TNS3: variants seen among roughly 807,000 people sequenced by gnomAD.
TNS3 encodes the protein tensin-3.
A neutral mutation model predicts 140.9 loss-of-function variants in TNS3; 45 were observed. That is an observed-to-expected ratio of 0.32 (90% CI 0.25 to 0.41). The LOEUF is 0.41. Among genes scored for constraint, TNS3 ranks in the 10% least tolerant of loss-of-function variants. TNS3 has a pLI of 1.00. For missense variants in TNS3, 1,716 were observed against 1,906.7 expected (o/e 0.90, Z 1.86); for synonymous variants, 815 against 788.4 (o/e 1.03, Z -0.56).
chr7:47,323,324 G>A lies in TNS3; in HGVS notation c.2651-18321C>T, dbSNP rs147138884. 1.6e-3 allele frequency among the ~76,000 whole-genome samples: 245 copies of A among 152,248 alleles called. 3 individuals are homozygous for A. The highest frequency in any genetic ancestry group is 5.4e-3 in the African/African-American group (225 of 41,524). On this transcript the variant is annotated intron_variant, in intron 20 of 30. Coordinates refer to ENST00000311160, the MANE Select transcript of TNS3 (RefSeq NM_022748.12). Reference sequence around the variant, plus strand: ...CCAGAAAGAAGTGGCACATGCTTCCGGTACTGAAAGAAAAGAACTGTCAAC... The same window carrying A: ...CCAGAAAGAAGTGGCACATGCTTCCAGTACTGAAAGAAAAGAACTGTCAAC...
intron 17 of TNS3, among the ~76,000 whole-genome samples, chr7:47,359,702 C>T (rs1790206425): frequency 6.6e-6 from 1 of 152,104 alleles, no homozygotes; most frequent in Non-Finnish European, 1.5e-5. Flanking sequence ...TTTCCTTTGA[C>T]ATGAGTGTTA....
In TNS3 at chr7:47,548,204, T is replaced by G. The variant is rs1372138398; in HGVS notation, c.-264-19057A>C. Among the ~76,000 whole-genome samples, 5 of 152,104 alleles carry G rather than the reference T, an allele frequency of 3.3e-5. No individual in the cohort carries two copies. The East Asian group carries it at 9.6e-4, about 29-fold the overall frequency. On this transcript the variant is annotated intron_variant, in intron 1 of 30. Transcript: ENST00000311160. ...GGTGAGTCACCACCCACCCCGTCCC[T>G]CCAGCTCCTAACCTTCACGTTTTTC...
At chr7:47,363,178 G>A (rs1790489883) in intron 17 of TNS3, among the ~76,000 whole-genome samples, 1 of 124,278 alleles carries the variant, frequency 8.0e-6, no homozygotes, top group Non-Finnish European at 1.7e-5. Flanking sequence ...CATCATAAGG[G>A]TCATCACCAT....
chr7:47,474,384 A>G lies in TNS3; in HGVS notation c.-76+6719T>C, dbSNP rs535305755. 1.3e-3 allele frequency among the ~76,000 whole-genome samples: 189 copies of G among 149,860 alleles called. 1 individual carries two copies. Among genetic ancestry groups the G allele is most frequent in the Middle Eastern group, 0.011 (3 of 284 alleles). ...CAAAACACTTCACACACAACACAACACATACACAAAATAAGCAACACATAC... is the reference window on the plus strand; with the variant it reads ...CAAAACACTTCACACACAACACAACGCATACACAAAATAAGCAACACATAC... On this transcript the variant is annotated intron_variant, in intron 4 of 30. Transcript: ENST00000311160.
intron 20 of TNS3, among the ~76,000 whole-genome samples, chr7:47,305,733 C>T (rs1176213303): frequency 6.6e-6 from 1 of 152,238 alleles, no homozygotes; most frequent in Non-Finnish European, 1.5e-5. Context: ...GTTTCTTGCC[C>T]AGCAGCTGCA....
At chr7:47,400,208 G>A (rs1209939855) in intron 15 of TNS3, among the ~76,000 whole-genome samples, 185 bp downstream of exon 15, 1 of 152,110 alleles carries the variant, frequency 6.6e-6, no homozygotes, top group African/African-American at 2.4e-5. Flanking sequence ...CCACTTCTGG[G>A]GCTTACTGAC....
chr7:47,508,977 G>A (rs1362526384), intron 2 of TNS3, among the ~76,000 whole-genome samples: 1 of 152,178 alleles, frequency 6.6e-6, no homozygotes, highest in Non-Finnish European at 1.5e-5. Context: ...CCTCTCCAGA[G>A]ACCCTGAGCC....
Position 47,362,596 on chromosome 7 carries a change from G to A in TNS3, c.2281+5769C>T, listed in dbSNP as rs1054251668. 3.9e-5 allele frequency among the ~76,000 whole-genome samples: 6 copies of A among 152,164 alleles called. No homozygotes were observed. The East Asian group carries it at 5.8e-4, about 15-fold the overall frequency. ...TAGTGGAATTAGGACATAGCCATGG[G>A]GTGCAGAGTCAGAGAGACGAGAGCT... On this transcript the variant is annotated intron_variant, in intron 17 of 30. Transcript: ENST00000311160.
intron 3 of TNS3, among the ~76,000 whole-genome samples, chr7:47,491,557 CA>C (rs901925172): frequency 1.3e-5 from 2 of 152,170 alleles, no homozygotes; most frequent in African/African-American, 4.8e-5. Context: ...CACGGCCTTT[CA>C]AAGACAGCAG....
chr7:47,315,860 T>C (rs1337969210), intron 20 of TNS3, among the ~76,000 whole-genome samples: 1 of 152,256 alleles, frequency 6.6e-6, no homozygotes, highest in African/African-American at 2.4e-5. Context: ...ATAAAAATTA[T>C]TCACTCATAC....
At chr7:47,530,838 A>AAAAAAAAAAAAAAT in intron 1 of TNS3, among the ~76,000 whole-genome samples, 1 of 54,564 alleles carries the variant, frequency 1.8e-5, no homozygotes, top group African/African-American at 7.9e-5. Context: ...AAAAAAAAAA[A>AAAAAAAAAAAAAAT]ATATATATAT....
chr7:47,540,728 AGAGGT>A (rs1799760909), intron 1 of TNS3, among the ~76,000 whole-genome samples: 1 of 152,210 alleles, frequency 6.6e-6, no homozygotes, highest in Non-Finnish European at 1.5e-5. Context: ...AGACAGGAAA[AGAGGT>A]GAGGAGAGGC....
chr7:47,386,734 CA>C (rs1410639461), intron 16 of TNS3, among the ~76,000 whole-genome samples: 1 of 152,238 alleles, frequency 6.6e-6, no homozygotes, highest in Non-Finnish European at 1.5e-5. Flanking sequence ...CTTTCATCCC[CA>C]AAGTAGGTCA....
chr7:47,329,883 A>C (rs1415262925), intron 20 of TNS3, among the ~76,000 whole-genome samples: 2 of 152,124 alleles, frequency 1.3e-5, no homozygotes, highest in Non-Finnish European at 2.9e-5. Context: ...GATGGGCAGC[A>C]GGGAGGAGGA....
chr7:47,405,951 G>C (rs1209238287), intron 13 of TNS3, among the ~76,000 whole-genome samples: 1 of 152,086 alleles, frequency 6.6e-6, no homozygotes, highest in Admixed American at 6.5e-5. Flanking sequence ...GCAGCAAGAT[G>C]AAGCATGTGT....
chr7:47,391,170 C>T (rs2462633), intron 16 of TNS3, among the ~76,000 whole-genome samples: 1 of 152,148 alleles, frequency 6.6e-6, no homozygotes, highest in East Asian at 1.9e-4. Context: ...CCCTGTCTGC[C>T]TTCCCTACCT....
At chr7:47,516,001 C>T (rs1323223707) in intron 2 of TNS3, among the ~76,000 whole-genome samples, 1 of 152,196 alleles carries the variant, frequency 6.6e-6, no homozygotes, top group African/African-American at 2.4e-5. Context: ...CAGAAATAAG[C>T]CAAAGAAAGA....
rs201649683 is a variant in TNS3, at chr7:47,346,195, C to T, written c.2443G>A (p.Val815Ile). Residue 815 changes from valine to isoleucine, a missense_variant, in exon 18 of 31, where the codon GTC becomes ATC. Physicochemically the swap from Val to Ile is conservative, Grantham distance 29 (BLOSUM62 3). Around this residue, in one of 3 missense-constraint regions of TNS3, gnomAD observed 1,163 missense variants for 1,182.1 expected, o/e 0.98. Coordinates refer to ENST00000311160, the MANE Select transcript of TNS3 (RefSeq NM_022748.12). ...NLPPFPSPAD[V>I]KETMTPGYPQ... ...CTGGCTGTGGCACATACCTCTTTGA[C>T]GTCCGCTGGTGAGGGGAATGGCGGC... The T allele has an allele frequency of 1.8e-4, 295 of 1,613,998 alleles. 1 individual carries two copies. Among genetic ancestry groups the T allele is most frequent in the Admixed American group, 5.5e-4 (33 of 60,024 alleles).
chr7:47,323,789 C>G (rs1254174124), intron 20 of TNS3, among the ~76,000 whole-genome samples: 1 of 151,770 alleles, frequency 6.6e-6, no homozygotes, highest in Non-Finnish European at 1.5e-5. Context: ...ATGTATATAC[C>G]AAGAGCGAGG....
Sources: gnomAD v4.1 joint callset for allele counts (sites outside exome capture counted in the v4.1 genomes callset) on GRCh38, gnomAD v4.1.1 for gene constraint, gnomAD v4.1.1 regional missense constraint, MANE v1.5 for transcripts, NCBI Gene and HGNC (gene_info 2026-07-23, HGNC 2026-07-21) for gene names.